LMBR1: variants seen among roughly 807,000 people sequenced by gnomAD.
LMBR1 encodes limb development membrane protein 1, also known as limb region 1 protein homolog.
LMBR1 carries 52 observed loss-of-function variants against 73.9 expected under a neutral mutation model. The observed-to-expected ratio is 0.70, with a 90% CI of 0.56 to 0.89. The LOEUF is 0.89. Among genes scored for constraint, LMBR1 ranks in the 40% least tolerant of loss-of-function variants. The pLI, the probability that LMBR1 is intolerant of heterozygous loss-of-function variation, is 0.00. For missense variants in LMBR1, 539 were observed against 579.8 expected (o/e 0.93, Z 0.72); for synonymous variants, 215 against 209.4 (o/e 1.03, Z -0.23).
At chr7:156,803,857 A>G (rs1290925540) in intron 4 of LMBR1, among the ~76,000 whole-genome samples, 22 of 151,822 alleles carry the variant, frequency 1.4e-4, no homozygotes, top group Admixed American at 9.9e-4. Flanking sequence ...CATGGATGAA[A>G]CTGGAACCCA....
At chr7:156,739,113 T>C (rs1818427591) in intron 9 of LMBR1, among the ~76,000 whole-genome samples, 1 of 150,350 alleles carries the variant, frequency 6.7e-6, no homozygotes, top group Non-Finnish European at 1.5e-5. Context: ...GTAGGGTGAG[T>C]CCCAGGCCTG....
intron 5 of LMBR1, among the ~76,000 whole-genome samples, chr7:156,791,463 C>T (rs1202888492): frequency 6.6e-6 from 1 of 152,110 alleles, no homozygotes; most frequent in Non-Finnish European, 1.5e-5. Flanking sequence ...GTCATCTGGT[C>T]ATAAAATACA....
chr7:156,687,268 G>A (rs1806180785), intron 16 of LMBR1, among the ~76,000 whole-genome samples: 2 of 152,156 alleles, frequency 1.3e-5, no homozygotes, highest in Non-Finnish European at 2.9e-5. Context: ...CTAATGTCAG[G>A]ATTTTTAAAA....
intron 4 of LMBR1, among the ~76,000 whole-genome samples, chr7:156,815,981 A>G (rs984979848): frequency 1.3e-5 from 2 of 151,716 alleles, no homozygotes; most frequent in African/African-American, 4.8e-5. Context: ...ATAAACATAC[A>G]TGCTTCCAGA....
chr7:156,852,813 C>G (rs1181666747), intron 1 of LMBR1, among the ~76,000 whole-genome samples: 1 of 152,184 alleles, frequency 6.6e-6, no homozygotes, highest in Non-Finnish European at 1.5e-5. Context: ...AAAGAACAAT[C>G]TGTCCAGAAT....
chr7:156,684,151 A>G lies in LMBR1; in HGVS notation c.1400T>C (p.Leu467Pro). 1 of 1,613,840 alleles carries G rather than the reference A, an allele frequency of 6.2e-7. No homozygotes were observed. The highest frequency in any genetic ancestry group is 1.3e-5 in the African/African-American group (1 of 75,014). The part of the protein sequence containing the change: ...ELFKALGLHK[L>P]HLPNTSRDSE... ...ATCCCTTGAAGTATTTGGTAAGTGA[A>G]GTTTATGAAGCCCTGCAAAAAAATT... is the stretch of plus-strand genomic sequence containing the variant. The change falls in exon 17 of 17, where the codon CTT becomes CCT. Residue 467 changes from leucine to proline, a missense_variant. Physicochemically the swap from Leu to Pro is moderately conservative, Grantham distance 98 (BLOSUM62 -3). Around this residue, in one of 3 missense-constraint regions of LMBR1, gnomAD observed 69 missense variants for 68.5 expected, o/e 1.01. Coordinates refer to ENST00000353442, the MANE Select transcript of LMBR1 (RefSeq NM_022458.4).
chr7:156,717,401 G>C (rs1308480175), intron 15 of LMBR1, among the ~76,000 whole-genome samples: 1 of 152,158 alleles, frequency 6.6e-6, no homozygotes. Context: ...TTAGCTTAGG[G>C]TGGGTGGTGG....
chr7:156,769,062 A>G (rs1824685325), intron 5 of LMBR1, among the ~76,000 whole-genome samples: 1 of 152,206 alleles, frequency 6.6e-6, no homozygotes, highest in Non-Finnish European at 1.5e-5. Flanking sequence ...ACAGTCCCTG[A>G]GGCCAAGCTT....
chr7:156,753,700 T>C (rs1283851663), intron 9 of LMBR1, among the ~76,000 whole-genome samples: 3 of 152,074 alleles, frequency 2.0e-5, no homozygotes, highest in Non-Finnish European at 4.4e-5. Flanking sequence ...AATGTACCCA[T>C]TAGTCCTGAC....
chr7:156,701,359 T>C (rs1450428821), intron 15 of LMBR1, among the ~76,000 whole-genome samples: 1 of 152,186 alleles, frequency 6.6e-6, no homozygotes, highest in African/African-American at 2.4e-5. Context: ...AGAGTACTAT[T>C]CAACAATAAA....
At chr7:156,838,864 A>G (rs1313999991) in intron 1 of LMBR1, among the ~76,000 whole-genome samples, 1 of 152,140 alleles carries the variant, frequency 6.6e-6, no homozygotes, top group Non-Finnish European at 1.5e-5. Flanking sequence ...TTCTCGCCAC[A>G]TCTTCATCAA....
chr7:156,794,659 A>G (rs1829794434), intron 5 of LMBR1, among the ~76,000 whole-genome samples: 1 of 152,214 alleles, frequency 6.6e-6, no homozygotes. Context: ...TTATAATGTC[A>G]AATATGAAAA....
downstream of LMBR1, among the ~76,000 whole-genome samples, chr7:156,675,461 G>A (rs1414023423): frequency 4.6e-5 from 7 of 152,200 alleles, no homozygotes; most frequent in African/African-American, 1.2e-4. Context: ...CCAAGGTGCC[G>A]TATTTTGGGG....
intron 1 of LMBR1, among the ~76,000 whole-genome samples, chr7:156,854,943 T>C (rs1796736308): frequency 6.6e-6 from 1 of 152,206 alleles, no homozygotes; most frequent in Non-Finnish European, 1.5e-5. Context: ...GTAAGCAGCC[T>C]AACTCACACA....
At chr7:156,791,028 G>GGATT in intron 5 of LMBR1, among the ~76,000 whole-genome samples, 1 of 152,194 alleles carries the variant, frequency 6.6e-6, no homozygotes, top group South Asian at 2.1e-4. Context: ...CTCAATTGGG[G>GGATT]GATTGTAGAG....
chr7:156,776,123 A>G (rs1381061619), intron 5 of LMBR1, among the ~76,000 whole-genome samples: 1 of 148,690 alleles, frequency 6.7e-6, no homozygotes, highest in Non-Finnish European at 1.5e-5. Flanking sequence ...TATATATTTT[A>G]TATATATATA....
chr7:156,782,664 C>T (rs1027033444), intron 5 of LMBR1, among the ~76,000 whole-genome samples: 8 of 152,190 alleles, frequency 5.3e-5, no homozygotes, highest in African/African-American at 1.9e-4. Context: ...CCCGCCTCAG[C>T]TACCCAAGTA....
chr7:156,695,471 A>G (rs905307981), intron 15 of LMBR1, among the ~76,000 whole-genome samples: 2 of 152,198 alleles, frequency 1.3e-5, no homozygotes, highest in Non-Finnish European at 2.9e-5. Context: ...GTCTAAGGAA[A>G]CTTTCAATCA....
intron 5 of LMBR1, among the ~76,000 whole-genome samples, chr7:156,785,883 G>C (rs1030034831): frequency 1.3e-5 from 2 of 152,092 alleles, no homozygotes; most frequent in Admixed American, 6.5e-5. Flanking sequence ...TAAAAGATGA[G>C]AGAAATATAC....
Sources: allele counts gnomAD v4.1 joint callset (sites outside exome capture counted in the v4.1 genomes callset), GRCh38; gene constraint gnomAD v4.1.1; regional missense constraint gnomAD v4.1.1; transcripts MANE v1.5; gene names NCBI Gene and HGNC (gene_info 2026-07-23, HGNC 2026-07-21).